CPQ: variants seen among roughly 807,000 people sequenced by gnomAD.
The protein encoded by CPQ is Ser-Met dipeptidase.
Under a neutral mutation model 45.7 loss-of-function variants are expected in CPQ, and 37 were observed. That is an observed-to-expected ratio of 0.81 (90% CI 0.62 to 1.07). The LOEUF (loss-of-function observed/expected upper bound fraction) is 1.07, where lower values mean the gene tolerates loss of function less well. Ranked by LOEUF, CPQ falls within the 50% of genes least tolerant of loss-of-function variation. The pLI, the probability that CPQ is intolerant of heterozygous loss-of-function variation, is 0.00. For synonymous variants in CPQ, 186 were observed against 205.8 expected (o/e 0.90, Z 0.82); for missense variants, 537 against 572.9 (o/e 0.94, Z 0.64).
intron 6 of CPQ, among the ~76,000 whole-genome samples, chr8:97,054,246 T>G (rs1264506726): frequency 6.6e-6 from 1 of 151,910 alleles, no homozygotes; most frequent in African/African-American, 2.4e-5. Flanking sequence ...CCTGGGAGAA[T>G]GGCCATTATT....
At chr8:96,955,559 T>C (rs1784068718) in intron 4 of CPQ, among the ~76,000 whole-genome samples, 4 of 152,178 alleles carry the variant, frequency 2.6e-5, no homozygotes, top group Non-Finnish European at 5.9e-5. Flanking sequence ...AGAGCCTGCA[T>C]TGCCAAGTCA....
chr8:96,970,667 C>T (rs1313782040), intron 5 of CPQ, among the ~76,000 whole-genome samples: 3 of 151,958 alleles, frequency 2.0e-5, no homozygotes, highest in Admixed American at 6.5e-5. Context: ...GGGTTCACGC[C>T]ATTCTCCTGC....
At chr8:96,812,945 G>A (rs1811178238) in intron 2 of CPQ, among the ~76,000 whole-genome samples, 1 of 151,720 alleles carries the variant, frequency 6.6e-6, no homozygotes, top group Admixed American at 6.6e-5. Flanking sequence ...ACAGTGATAT[G>A]GGTCCTCACT....
chr8:96,908,489 C>A (rs988433833), intron 4 of CPQ, among the ~76,000 whole-genome samples: 3 of 152,026 alleles, frequency 2.0e-5, no homozygotes, highest in African/African-American at 7.2e-5. Flanking sequence ...GCGACCTCCC[C>A]GCCATGGGAA....
At chr8:97,104,596 C>T (rs2130584775) in intron 7 of CPQ, among the ~76,000 whole-genome samples, 1 of 152,310 alleles carries the variant, frequency 6.6e-6, no homozygotes, top group Non-Finnish European at 1.5e-5. Context: ...CAGTTACACA[C>T]ACACAATTTA....
intron 1 of CPQ, chr8:96,732,238 G>A (rs1809922007): frequency 1.3e-5 from 2 of 152,170 alleles, no homozygotes; most frequent in African/African-American, 2.4e-5. Context: ...CTTTCACAAA[G>A]CTGGCAACAA....
intron 7 of CPQ, among the ~76,000 whole-genome samples, chr8:97,082,539 A>G (rs544170587): frequency 6.6e-6 from 1 of 152,328 alleles, no homozygotes. Flanking sequence ...GCAGACAAGG[A>G]AAGTCAGCAG....
intron 2 of CPQ, among the ~76,000 whole-genome samples, chr8:96,797,351 A>G (rs966499446): frequency 6.6e-6 from 1 of 152,210 alleles, no homozygotes; most frequent in Non-Finnish European, 1.5e-5. Flanking sequence ...AACTCTCCAT[A>G]TCTAACACAA....
At chr8:96,882,342 A>G (rs772528784) in intron 4 of CPQ, among the ~76,000 whole-genome samples, 4 of 152,258 alleles carry the variant, frequency 2.6e-5, no homozygotes, top group African/African-American at 7.2e-5. Flanking sequence ...AACTGATAAC[A>G]ACAGAAGAGC....
At chr8:97,007,178 T>A (rs914889734) in intron 5 of CPQ, among the ~76,000 whole-genome samples, 2 of 152,224 alleles carry the variant, frequency 1.3e-5, no homozygotes, top group South Asian at 2.1e-4. Context: ...CATTCTGGAA[T>A]GAGAGGAGTG....
In CPQ at chr8:97,026,431, T is replaced by C. The variant is rs1232441998; in HGVS notation, c.962-2972T>C. On this transcript the variant is annotated intron_variant, in intron 5 of 7. Transcript: ENST00000220763. ...GCTCAGACTCCACAGCCAATGCCTT[T>C]CTGTACCCTACACCGTCCATCATGG... Among the ~76,000 whole-genome samples, 4 of 152,158 alleles carry C rather than the reference T, an allele frequency of 2.6e-5. No individual in the cohort carries two copies. In the East Asian group the frequency reaches 7.7e-4, roughly 29 times the overall value.
chr8:96,812,515 G>T (rs996492529), intron 2 of CPQ, among the ~76,000 whole-genome samples: 7 of 152,050 alleles, frequency 4.6e-5, no homozygotes, highest in African/African-American at 1.7e-4. Context: ...TATTCCTTGA[G>T]GGATCAAAAT....
chr8:96,654,998 C>T (rs1815622258), intron 1 of CPQ, among the ~76,000 whole-genome samples: 1 of 151,536 alleles, frequency 6.6e-6, no homozygotes. Context: ...GGCAGGTATC[C>T]TTTCTCCTCA....
intron 4 of CPQ, among the ~76,000 whole-genome samples, chr8:96,948,104 T>C (rs1378066999): frequency 6.6e-6 from 1 of 151,980 alleles, no homozygotes; most frequent in African/African-American, 2.4e-5. Context: ...AAATTCAAAG[T>C]GGTTACTTTG....
chr8:97,118,651 A>G (rs1811638159), intron 7 of CPQ, among the ~76,000 whole-genome samples: 1 of 152,192 alleles, frequency 6.6e-6, no homozygotes. Context: ...TGGTCCTCAC[A>G]GCTTGAGGTA....
intron 7 of CPQ, among the ~76,000 whole-genome samples, chr8:97,091,763 A>G (rs1203596241): frequency 6.6e-6 from 1 of 152,154 alleles, no homozygotes; most frequent in African/African-American, 2.4e-5. Context: ...CCCATGAAGC[A>G]GTGGGTCAGT....
intron 3 of CPQ, among the ~76,000 whole-genome samples, chr8:96,845,888 C>T (rs550326278): frequency 2.6e-5 from 4 of 152,146 alleles, no homozygotes; most frequent in African/African-American, 2.4e-5. Context: ...GGCGCGATCT[C>T]GGCTCACTGC....
At chr8:96,908,267 A>G (rs1038591884) in intron 4 of CPQ, among the ~76,000 whole-genome samples, 2 of 152,132 alleles carry the variant, frequency 1.3e-5, no homozygotes, top group African/African-American at 4.8e-5. Context: ...GCTCCTCATT[A>G]TTCTGTGATG....
chr8:96,919,559 A>G (rs565736902), intron 4 of CPQ, among the ~76,000 whole-genome samples: 17 of 152,266 alleles, frequency 1.1e-4, no homozygotes, highest in African/African-American at 3.1e-4. Flanking sequence ...TTATGTGTCA[A>G]TGTTGGGCTG....
Sources: allele counts gnomAD v4.1 joint callset (sites outside exome capture counted in the v4.1 genomes callset), GRCh38; gene constraint gnomAD v4.1.1; transcripts MANE v1.5; gene names NCBI Gene and HGNC (gene_info 2026-07-23, HGNC 2026-07-21).